STX8: variants seen among roughly 807,000 people sequenced by gnomAD.
STX8 encodes the protein syntaxin-8.
A neutral mutation model predicts 37.5 loss-of-function variants in STX8; 23 were observed. The observed-to-expected ratio is 0.61, with a 90% CI of 0.44 to 0.87. The LOEUF (loss-of-function observed/expected upper bound fraction) is 0.87. STX8 is among the 40% of genes least tolerant of loss of function. The pLI, the probability that STX8 is intolerant of heterozygous loss-of-function variation, is 0.00. For synonymous variants in STX8, 115 were observed against 99.1 expected (o/e 1.16, Z -0.95); for missense variants, 313 against 284.7 (o/e 1.10, Z -0.71).
intron 6 of STX8, among the ~76,000 whole-genome samples, chr17:9,446,653 T>C (rs923564836): frequency 6.6e-6 from 1 of 152,184 alleles, no homozygotes; most frequent in Admixed American, 6.5e-5. Context: ...TTTTTGGCAG[T>C]AGTACAAAGC....
chr17:9,374,386 G>A (rs9894724), intron 7 of STX8, among the ~76,000 whole-genome samples: 69,890 of 151,976 alleles, frequency 0.46, 17,188 homozygotes, highest in African/African-American at 0.63. Context: ...CCAGCCAAAA[G>A]AAATTTTTTT....
chr17:9,415,954 T>A (rs191235580), intron 6 of STX8, among the ~76,000 whole-genome samples: 133 of 152,344 alleles, frequency 8.7e-4, no homozygotes, highest in African/African-American at 3.1e-3. Flanking sequence ...CTCACGTCTT[T>A]GCCCTGGCTG....
intron 7 of STX8, among the ~76,000 whole-genome samples, chr17:9,303,372 A>T (rs1049800221): frequency 6.6e-6 from 1 of 152,174 alleles, no homozygotes; most frequent in African/African-American, 2.4e-5. Flanking sequence ...TCCATGAAAC[A>T]CAAATACAGT....
rs1912455668 is a variant in STX8, at chr17:9,397,752, A to T, written c.542-19099T>A. ...GCACCTTGGGAGGTCAAGAGGGGTG[A>T]TCACTTGAGGTCAGTTCAAGACCAG... On this transcript the variant is annotated intron_variant, in intron 6 of 7. Transcript: ENST00000306357. 1.3e-5 allele frequency among the ~76,000 whole-genome samples: 2 copies of T among 152,002 alleles called. 1 individual carries two copies. Among genetic ancestry groups the T allele is most frequent in the South Asian group, 4.2e-4 (2 of 4,810 alleles).
chr17:9,379,303 CCTT>C (rs1466864092), intron 6 of STX8, among the ~76,000 whole-genome samples: 3 of 150,664 alleles, frequency 2.0e-5, no homozygotes, highest in Non-Finnish European at 4.4e-5. Flanking sequence ...CTACCTGGGC[CCTT>C]CTTGAGAAAA....
chr17:9,404,288 G>A (rs1485401266), intron 6 of STX8, among the ~76,000 whole-genome samples: 1 of 151,896 alleles, frequency 6.6e-6, no homozygotes, highest in African/African-American at 2.4e-5. Flanking sequence ...GGCAGGAAAG[G>A]GAGGCACACT....
intron 4 of STX8, 134 bp downstream of exon 4, chr17:9,545,038 A>G: frequency 1.6e-6 from 1 of 623,502 alleles, no homozygotes; most frequent in South Asian, 2.1e-5. Flanking sequence ...TGAGTAGAAA[A>G]TTATAGTCAA....
At chr17:9,465,195 C>CTT (rs199749909) in intron 6 of STX8, among the ~76,000 whole-genome samples, 14 of 145,708 alleles carry the variant, frequency 9.6e-5, no homozygotes, top group African/African-American at 3.5e-4. Flanking sequence ...CTTGAAGTTG[C>CTT]TTTTTTTTTT....
intron 4 of STX8, among the ~76,000 whole-genome samples, chr17:9,517,085 C>T (rs11871624): frequency 0.035 from 5,260 of 152,258 alleles, 347 homozygotes; most frequent in African/African-American, 0.12. Context: ...TCAATCTCCT[C>T]TCAAATGTTG....
intron 6 of STX8, 125 bp downstream of exon 6, chr17:9,491,704 A>G: frequency 1.3e-6 from 1 of 792,544 alleles, no homozygotes; most frequent in Non-Finnish European, 2.0e-6. Flanking sequence ...AATGCGTTAA[A>G]CTGTAACAAT....
At chr17:9,546,523 G>A (rs1426065921) in intron 3 of STX8, among the ~76,000 whole-genome samples, 4 of 149,056 alleles carry the variant, frequency 2.7e-5, no homozygotes, top group Admixed American at 6.7e-5. Flanking sequence ...TCAACAACCG[G>A]CGCCACTTCC....
Position 9,253,894 on chromosome 17 carries a change from TCTGGTTTTGGTTCATACACC to T in STX8, c.644-3269_644-3250del, listed in dbSNP as rs1274338891. Among the ~76,000 whole-genome samples the T allele has an allele frequency of 4.6e-5, 7 of 152,178 alleles. No homozygotes were observed. The East Asian group carries it at 1.4e-3, about 30-fold the overall frequency. On this transcript the variant is annotated intron_variant, in intron 7 of 7. Coordinates refer to ENST00000306357, the MANE Select transcript of STX8 (RefSeq NM_004853.3). ...CTGATTGGGAAGAAGAAAACACACA[TCTGGTTTTGGTTCATACACC>T]CGGAGCGTGAGGTCCAAGGGAAGAG...
At position 9,322,444 on chromosome 17, in the gene STX8, G is replaced by A. The variant is rs1349231655; in HGVS notation, c.643+56108C>T. 2.0e-5 allele frequency among the ~76,000 whole-genome samples: 3 copies of A among 152,210 alleles called. No individual in the cohort carries two copies. The East Asian group carries it at 5.8e-4, about 29-fold the overall frequency. On this transcript the variant is annotated intron_variant, in intron 7 of 7. Transcript: ENST00000306357. The stretch of plus-strand genomic sequence containing the variant: ...CTTAGGACTCACAGCTTGAAAGGAA[G>A]GAGGAGGCCCACAGGGGGCCTGAGG...
intron 4 of STX8, among the ~76,000 whole-genome samples, chr17:9,509,690 TA>T (rs1904962543): frequency 1.3e-5 from 2 of 151,174 alleles, no homozygotes; most frequent in East Asian, 3.9e-4. Context: ...ACCACAAAAA[TA>T]AACAGTAAGA....
At chr17:9,307,664 C>T (rs1473300280) in intron 7 of STX8, among the ~76,000 whole-genome samples, 2 of 152,048 alleles carry the variant, frequency 1.3e-5, no homozygotes, top group Non-Finnish European at 2.9e-5. Context: ...TCTTAGGTGC[C>T]CGTCAGGGAT....
At chr17:9,351,882 C>G (rs917138542) in intron 7 of STX8, among the ~76,000 whole-genome samples, 1 of 152,104 alleles carries the variant, frequency 6.6e-6, no homozygotes, top group African/African-American at 2.4e-5. Context: ...GAGCAGTGTA[C>G]TGTGTCCTGT....
chr17:9,364,249 A>G (rs116004017), intron 7 of STX8, among the ~76,000 whole-genome samples: 167 of 152,308 alleles, frequency 1.1e-3, no homozygotes, highest in African/African-American at 3.8e-3. Flanking sequence ...AGCAATGCCA[A>G]TATATTCATC....
At chr17:9,343,637 T>C (rs916319765) in intron 7 of STX8, among the ~76,000 whole-genome samples, 1 of 152,146 alleles carries the variant, frequency 6.6e-6, no homozygotes, top group Admixed American at 6.6e-5. Context: ...ATGGTGGTGA[T>C]GGATGTCAAA....
intron 7 of STX8, among the ~76,000 whole-genome samples, chr17:9,282,683 G>A (rs1907932003): frequency 6.6e-6 from 1 of 152,130 alleles, no homozygotes; most frequent in South Asian, 2.1e-4. Flanking sequence ...CATCACGGTG[G>A]AAAGAAAAAG....
Sources: gnomAD v4.1 joint callset for allele counts (sites outside exome capture counted in the v4.1 genomes callset) on GRCh38, gnomAD v4.1.1 for gene constraint, MANE v1.5 for transcripts, NCBI Gene and HGNC (gene_info 2026-07-23, HGNC 2026-07-21) for gene names.